AKAP6: variants seen among roughly 807,000 people sequenced by gnomAD.
The protein encoded by AKAP6 is A-kinase anchor protein 6.
AKAP6 carries 58 observed loss-of-function variants against 188.5 expected under a neutral mutation model. That is an observed-to-expected ratio of 0.31 (90% CI 0.25 to 0.38). The LOEUF is 0.38. Ranked by LOEUF, AKAP6 falls within the 10% of genes least tolerant of loss-of-function variation. AKAP6 has a pLI of 1.00. For synonymous variants in AKAP6, 989 were observed against 998.6 expected (o/e 0.99, Z 0.18); for missense variants, 2,710 against 2,740.0 (o/e 0.99, Z 0.24).
intron 7 of AKAP6, among the ~76,000 whole-genome samples, chr14:32,630,520 G>GA (rs1433975561): frequency 1.3e-5 from 2 of 152,004 alleles, no homozygotes; most frequent in Admixed American, 1.3e-4. Context: ...TAGTTCAGGG[G>GA]AAAAAAGGAG....
At chr14:32,746,938 A>G (rs568707914) in intron 11 of AKAP6, among the ~76,000 whole-genome samples, 1 of 152,352 alleles carries the variant, frequency 6.6e-6, no homozygotes, top group African/African-American at 2.4e-5. Flanking sequence ...CAGGGCCTTT[A>G]AAAGGATTTC....
chr14:32,615,553 A>G (rs1459252227), intron 7 of AKAP6, among the ~76,000 whole-genome samples: 1 of 148,464 alleles, frequency 6.7e-6, no homozygotes. Flanking sequence ...ATCTCACAAT[A>G]CTTCCTTTTA....
At chr14:32,406,830 A>G (rs1718487993) in intron 1 of AKAP6, among the ~76,000 whole-genome samples, 1 of 152,174 alleles carries the variant, frequency 6.6e-6, no homozygotes, top group South Asian at 2.1e-4. Flanking sequence ...TGAAATTGTC[A>G]AGCCCATTAG....
intron 2 of AKAP6, among the ~76,000 whole-genome samples, chr14:32,455,620 A>C (rs1398403502): frequency 6.6e-6 from 1 of 152,220 alleles, no homozygotes; most frequent in Non-Finnish European, 1.5e-5. Context: ...TTCTTCCTTG[A>C]AAATTAATTT....
intron 11 of AKAP6, among the ~76,000 whole-genome samples, chr14:32,740,158 C>T (rs1032478870): frequency 6.6e-6 from 1 of 152,012 alleles, no homozygotes; most frequent in East Asian, 1.9e-4. Flanking sequence ...TGCCTGTTTG[C>T]CATTTGTATG....
chr14:32,816,551 T>C (rs2034383734), intron 12 of AKAP6, among the ~76,000 whole-genome samples: 1 of 152,152 alleles, frequency 6.6e-6, no homozygotes. Flanking sequence ...AGGAAAATAA[T>C]TATGTAACTA....
At chr14:32,813,146 A>G (rs990509094) in intron 12 of AKAP6, among the ~76,000 whole-genome samples, 3 of 152,178 alleles carry the variant, frequency 2.0e-5, no homozygotes, top group African/African-American at 4.8e-5. Context: ...TATTCTAGCC[A>G]TAACTTGCTA....
chr14:32,637,095 A>G (rs1245574393), intron 7 of AKAP6, among the ~76,000 whole-genome samples: 1 of 152,138 alleles, frequency 6.6e-6, no homozygotes, highest in Non-Finnish European at 1.5e-5. Flanking sequence ...GTATCTGTAA[A>G]ATGGGAATAC....
chr14:32,814,191 G>T (rs998898000), intron 12 of AKAP6, among the ~76,000 whole-genome samples: 2 of 152,178 alleles, frequency 1.3e-5, no homozygotes, highest in African/African-American at 4.8e-5. Context: ...TAAGGTTACA[G>T]ATGATTTTCT....
rs191442875 is a variant in AKAP6, at chr14:32,494,756, A to G, written c.325-40798A>G. Among the ~76,000 whole-genome samples, 122 of 152,140 alleles carry G rather than the reference A, an allele frequency of 8.0e-4. 1 individual carries two copies. Among genetic ancestry groups the G allele is most frequent in the African/African-American group, 2.8e-3 (117 of 41,510 alleles). On this transcript the variant is annotated intron_variant, in intron 2 of 13. Coordinates refer to ENST00000280979, the MANE Select transcript of AKAP6 (RefSeq NM_004274.5). ...CTCTTGAATTCTATGCTCCCTAACA[A>G]TCCACATCTCTAACAAAACTGTCAT...
chr14:32,527,488 T>C (rs1200669937), intron 2 of AKAP6, among the ~76,000 whole-genome samples: 3 of 152,232 alleles, frequency 2.0e-5, no homozygotes, highest in Non-Finnish European at 1.5e-5. Context: ...AGGAGTGCGA[T>C]TGCTGGTTTT....
At chr14:32,510,120 G>T (rs1391395570) in intron 2 of AKAP6, among the ~76,000 whole-genome samples, 14 of 151,898 alleles carry the variant, frequency 9.2e-5, no homozygotes, top group Non-Finnish European at 5.9e-5. Flanking sequence ...GCTAGCACCA[G>T]ATTCCAGGGC....
chr14:32,509,025 T>C (rs968275171), intron 2 of AKAP6, among the ~76,000 whole-genome samples: 1 of 151,666 alleles, frequency 6.6e-6, no homozygotes, highest in Non-Finnish European at 1.5e-5. Flanking sequence ...AGTTTCACCA[T>C]GTTGGCCAGG....
intron 1 of AKAP6, among the ~76,000 whole-genome samples, chr14:32,380,345 A>G (rs1427706293): frequency 6.6e-6 from 1 of 152,116 alleles, no homozygotes; most frequent in Non-Finnish European, 1.5e-5. Flanking sequence ...GACCTGTGGT[A>G]AATTGTTTTT....
At chr14:32,721,664 G>T (rs1044014079) in intron 9 of AKAP6, among the ~76,000 whole-genome samples, 1 of 152,192 alleles carries the variant, frequency 6.6e-6, no homozygotes, top group Non-Finnish European at 1.5e-5. Context: ...TTATGTGGTT[G>T]TGTCTTTGCT....
At chr14:32,747,731 G>A (rs577875580) in intron 11 of AKAP6, among the ~76,000 whole-genome samples, 1 of 152,296 alleles carries the variant, frequency 6.6e-6, no homozygotes, top group Admixed American at 6.5e-5. Context: ...TGAGGGTGGT[G>A]GGAAAACCCA....
chr14:32,723,557 T>TGTGTGTGTGTGTGTGTGTG (rs35237019), intron 9 of AKAP6, among the ~76,000 whole-genome samples: 1 of 141,102 alleles, frequency 7.1e-6, no homozygotes, highest in Non-Finnish European at 1.5e-5. Context: ...GCGTATGTGT[T>TGTGTGTGTGTGTGTGTGTG]TATGTGTGTG....
At chr14:32,529,285 T>C (rs573031734) in intron 2 of AKAP6, among the ~76,000 whole-genome samples, 1 of 152,320 alleles carries the variant, frequency 6.6e-6, no homozygotes, top group East Asian at 1.9e-4. Context: ...TGCTGGTATA[T>C]AGGAAAGCAA....
Position 32,773,785 on chromosome 14 carries a change from C to A in AKAP6, c.3480C>A (p.His1160Gln). ...AGACTTGCAATCTGAATGCAGACCA[C>A]CAGCCCATGCAGCTGATCATTGTAA... ...DRETCNLNAD[H>Q]QPMQLIIVNL... The change falls in exon 12 of 14, where the codon CAC becomes CAA. Residue 1160 changes from histidine (H) to glutamine (Q), a missense_variant. Coordinates refer to ENST00000280979, the MANE Select transcript of AKAP6 (RefSeq NM_004274.5). 1.2e-6 allele frequency: 2 copies of A among 1,614,120 alleles called. No homozygotes were observed. The highest frequency in any genetic ancestry group is 1.7e-6 in the Non-Finnish European group (2 of 1,180,000).
Sources: allele counts gnomAD v4.1 joint callset (sites outside exome capture counted in the v4.1 genomes callset), GRCh38; gene constraint gnomAD v4.1.1; transcripts MANE v1.5; gene names NCBI Gene and HGNC (gene_info 2026-07-23, HGNC 2026-07-21).